Variants in SLCO1A2 observed in about 807,000 individuals in gnomAD.
SLCO1A2 encodes OATP-1.
Under a neutral mutation model 69.0 loss-of-function variants are expected in SLCO1A2, and 67 were observed. The observed-to-expected ratio is 0.97, with a 90% CI of 0.80 to 1.19. The LOEUF is 1.19. Ranked by LOEUF, SLCO1A2 falls within the 50% of genes most tolerant of loss-of-function variation. The pLI is 0.00. For missense variants in SLCO1A2, 787 were observed against 793.7 expected (o/e 0.99, Z 0.10); for synonymous variants, 260 against 265.9 (o/e 0.98, Z 0.22).
chr12:21,318,680 A>C (rs1229905266), intron 3 of SLCO1A2, 102 bp downstream of exon 3: 1 of 943,054 alleles, frequency 1.1e-6, no homozygotes, highest in East Asian at 2.6e-5. Flanking sequence ...TAACTCGGTC[A>C]GATTAAATGA....
Position 21,304,541 on chromosome 12 carries a change from C to T in SLCO1A2, c.475G>A (p.Val159Met). Residue 159 changes from valine (V) to methionine (M), a missense_variant, in exon 6 of 15, where the codon GTG (valine) becomes ATG (methionine). Coordinates refer to ENST00000683939, the MANE Select transcript of SLCO1A2 (RefSeq NM_001386879.1). Reference protein sequence around the residue: ...CTKEVKSLMWVYVLVGNIVRG... With the variant: ...CTKEVKSLMWMYVLVGNIVRG... ...ACAATATTGCCTACTAGGACGTACA[C>T]CCACATTAATGATTTAACTTCCTTT... 1.2e-6 allele frequency: 2 copies of T among 1,612,318 alleles called. No homozygotes were observed. The highest frequency in any genetic ancestry group is 1.7e-6 in the Non-Finnish European group (2 of 1,179,122).
chr12:21,367,155 C>T (rs1939449216), intron 2 of SLCO1A2, among the ~76,000 whole-genome samples: 1 of 151,972 alleles, frequency 6.6e-6, no homozygotes, highest in African/African-American at 2.4e-5. Flanking sequence ...TTTCTTTTAG[C>T]CACATTAGTG....
intron 5 of SLCO1A2, among the ~76,000 whole-genome samples, chr12:21,306,595 G>T (rs1438917728): frequency 1.3e-5 from 2 of 152,080 alleles, no homozygotes; most frequent in Non-Finnish European, 2.9e-5. Context: ...CCAAAGTGCT[G>T]GGATTACAGG....
At chr12:21,418,866 T>C (rs1942032282), upstream of SLCO1A2, among the ~76,000 whole-genome samples, 3 of 152,288 alleles carry the variant, frequency 2.0e-5, no homozygotes, top group South Asian at 6.2e-4. Context: ...ATTTGGCTTA[T>C]GATCTATTTT....
intron 2 of SLCO1A2, among the ~76,000 whole-genome samples, chr12:21,357,516 C>T (rs1938467995): frequency 6.6e-6 from 1 of 152,200 alleles, no homozygotes. Context: ...TGTTGCAGCA[C>T]TTTTTGTCCC....
chr12:21,352,579 A>G (rs939390814), intron 2 of SLCO1A2, among the ~76,000 whole-genome samples: 1 of 151,900 alleles, frequency 6.6e-6, no homozygotes, highest in Non-Finnish European at 1.5e-5. Flanking sequence ...ATATGAACAC[A>G]CTCTTTATTA....
At chr12:21,279,346 C>G (rs577015324) in intron 12 of SLCO1A2, among the ~76,000 whole-genome samples, 50 of 152,082 alleles carry the variant, frequency 3.3e-4, no homozygotes, top group South Asian at 2.1e-3. Context: ...GTATTGATTC[C>G]AAGTGCAAGA....
intron 1 of SLCO1A2, among the ~76,000 whole-genome samples, chr12:21,381,817 T>G (rs2137125306): frequency 6.6e-6 from 1 of 152,038 alleles, no homozygotes; most frequent in South Asian, 2.1e-4. Context: ...AAGAAAAAAG[T>G]AGAAAAACAA....
rs1369449248 is a variant in SLCO1A2, at chr12:21,268,215, C to T, written c.*1333G>A. On this transcript the variant is annotated 3_prime_UTR_variant, in exon 15 of 15. Coordinates refer to ENST00000683939, the MANE Select transcript of SLCO1A2 (RefSeq NM_001386879.1). ...ACCAACTCACACTTTGAACTGGCAA[C>T]TCAGTTTCACACTTCCATTCCAGGC... 1 of 152,202 alleles carries T rather than the reference C, an allele frequency of 6.6e-6. No individual in the cohort carries two copies. Among genetic ancestry groups the T allele is most frequent in the African/African-American group, 2.4e-5 (1 of 41,452 alleles). 9.4% of individuals were successfully genotyped at this position (152,202 alleles called of 1,614,324 possible).
chr12:21,299,793 C>CACGTATATATATATATAT (rs1456572665), intron 8 of SLCO1A2, among the ~76,000 whole-genome samples: 18 of 113,664 alleles, frequency 1.6e-4, no homozygotes, highest in Non-Finnish European at 2.7e-4. Context: ...TATATATACA[C>CACGTATATATATATATAT]ACACACGTAT....
intron 1 of SLCO1A2, among the ~76,000 whole-genome samples, chr12:21,382,597 A>G (rs1940655143): frequency 6.6e-6 from 1 of 152,102 alleles, no homozygotes; most frequent in Admixed American, 6.6e-5. Flanking sequence ...GGAGTTCAAG[A>G]CAAGCCTGGA....
rs1325370792 is a variant in SLCO1A2 at position 21,279,180 on chromosome 12, T to TA, written c.1611-3757dup. ...TAAGGGATACAAAAGAAAAAAAGAA[T>TA]AAAAAAAAGTGAAGTGCACCTACAC... On this transcript the variant is annotated intron_variant, in intron 12 of 14. Transcript: ENST00000683939. Among the ~76,000 whole-genome samples the TA allele has an allele frequency of 2.7e-5, 4 of 150,680 alleles. No homozygotes were observed. In the South Asian group the frequency reaches 6.3e-4, roughly 24 times the overall value.
At chr12:21,337,294 T>C (rs1181391860), upstream of SLCO1A2, among the ~76,000 whole-genome samples, 1 of 152,030 alleles carries the variant, frequency 6.6e-6, no homozygotes, top group Admixed American at 6.6e-5. Flanking sequence ...ATACAAAGTT[T>C]TATAAAACAA....
rs1940558820 is a variant in SLCO1A2, at chr12:21,381,095, G to A, written c.-189-6570C>T. On this transcript the variant is annotated intron_variant, in intron 1 of 15. Coordinates refer to the SLCO1A2 transcript ENST00000307378. Reference sequence around the variant, plus strand: ...GTGGGCTTAAGTATGTACACTATGAGAAAAAATGACAGAGTTTAACTGGTA... The same window carrying A: ...GTGGGCTTAAGTATGTACACTATGAAAAAAAATGACAGAGTTTAACTGGTA... Among the ~76,000 whole-genome samples the A allele has an allele frequency of 3.3e-5, 5 of 151,912 alleles. No individual in the cohort carries two copies. In the South Asian group the frequency reaches 1.0e-3, roughly 32 times the overall value.
chr12:21,414,646 GAAAAATGCT>G (rs1941962977), intron 1 of SLCO1A2, among the ~76,000 whole-genome samples: 2 of 152,114 alleles, frequency 1.3e-5, no homozygotes, highest in Admixed American at 6.5e-5. Context: ...GTTAGGTGCA[GAAAAATGCT>G]ATACCTGTCT....
At chr12:21,282,478 G>C (rs992353905) in intron 12 of SLCO1A2, among the ~76,000 whole-genome samples, 2 of 151,922 alleles carry the variant, frequency 1.3e-5, no homozygotes, top group African/African-American at 4.8e-5. Flanking sequence ...CCTATAGTAA[G>C]TATCATACTG....
chr12:21,385,755 G>A (rs1940844860), intron 1 of SLCO1A2, among the ~76,000 whole-genome samples: 1 of 152,202 alleles, frequency 6.6e-6, no homozygotes, highest in Non-Finnish European at 1.5e-5. Context: ...TTAACCTGGA[G>A]GATGGGTAGA....
At chr12:21,402,026 A>G (rs986380318) in intron 1 of SLCO1A2, among the ~76,000 whole-genome samples, 5 of 151,600 alleles carry the variant, frequency 3.3e-5, no homozygotes, top group African/African-American at 1.2e-4. Flanking sequence ...ATCCATGTTT[A>G]AAGATGAAAA....
At position 21,269,704 on chromosome 12, in the gene SLCO1A2, G is replaced by T. The variant is rs1198585867; in HGVS notation, c.1857C>A (p.Ile619=). 2 of 1,612,618 alleles carry T rather than the reference G, an allele frequency of 1.2e-6. No individual in the cohort carries two copies. Among genetic ancestry groups the T allele is most frequent in the Admixed American group, 1.7e-5 (1 of 59,882 alleles). The part of the protein sequence containing the change: ...RGSSFVPALI[I]LILLRKCHLP... ...GATGACACTTCCTCAAAAGAATTAA[G>T]ATGATTAAGGCTGGAACAAAGCTTG... is the stretch of plus-strand genomic sequence containing the variant. The change falls in exon 15 of 15, where the codon ATC becomes ATA. Residue 619 remains isoleucine (I), a synonymous_variant. Coordinates refer to ENST00000683939, the MANE Select transcript of SLCO1A2 (RefSeq NM_001386879.1).
Sources: allele counts gnomAD v4.1 joint callset (sites outside exome capture counted in the v4.1 genomes callset), GRCh38; gene constraint gnomAD v4.1.1; transcripts MANE v1.5; gene names NCBI Gene and HGNC (gene_info 2026-07-23, HGNC 2026-07-21).